The following EHBP1 variants were observed in gnomAD, a reference collection of about 807,000 sequenced individuals.
The protein encoded by EHBP1 is EH domain binding protein 1, also known as EH domain-binding protein 1.
In EHBP1, 55 loss-of-function variants were observed where a neutral mutation model predicts 144.0. The observed-to-expected ratio is 0.38, with a 90% CI of 0.31 to 0.48. The LOEUF is 0.48. EHBP1 is among the 20% of genes least tolerant of loss of function. The pLI is 0.98. For missense variants in EHBP1, 1,200 were observed against 1,364.2 expected (o/e 0.88, Z 1.90); for synonymous variants, 469 against 472.7 (o/e 0.99, Z 0.10).
intron 10 of EHBP1, among the ~76,000 whole-genome samples, chr2:62,908,543 T>C (rs530101024): frequency 2.2e-4 from 33 of 152,312 alleles, no homozygotes; most frequent in African/African-American, 6.5e-4. Context: ...TTTTTTAATA[T>C]AGGTGTTCAG....
At chr2:62,857,888 G>C (rs1295769827) in intron 7 of EHBP1, among the ~76,000 whole-genome samples, 1 of 150,904 alleles carries the variant, frequency 6.6e-6, no homozygotes, top group Non-Finnish European at 1.5e-5. Flanking sequence ...GTAGAAAATA[G>C]TAACTGTTGC....
chr2:62,896,444 T>C lies in EHBP1; in HGVS notation c.1185+21912T>C, dbSNP rs2052943314. 3.9e-5 allele frequency among the ~76,000 whole-genome samples: 6 copies of C among 152,114 alleles called. 1 individual carries two copies. Among genetic ancestry groups the C allele is most frequent in the African/African-American group, 1.4e-4 (6 of 41,438 alleles). On this transcript the variant is annotated intron_variant, in intron 10 of 22. Transcript: ENST00000431489. ...CCAGTTAAGTTAGTGTATGTATGTATTTGTTGAGGGAAAGGCAACGTGATT... is the reference window on the plus strand; with the variant it reads ...CCAGTTAAGTTAGTGTATGTATGTACTTGTTGAGGGAAAGGCAACGTGATT...
intron 10 of EHBP1, among the ~76,000 whole-genome samples, chr2:62,882,440 G>C (rs183224675): frequency 1.3e-5 from 2 of 152,060 alleles, no homozygotes; most frequent in Non-Finnish European, 2.9e-5. Context: ...GAAACTTTAG[G>C]TCCCTTATCC....
chr2:62,971,900 G>A (rs536528213), intron 14 of EHBP1, among the ~76,000 whole-genome samples: 2 of 152,248 alleles, frequency 1.3e-5, no homozygotes, highest in Admixed American at 1.3e-4. Context: ...TTATAACTCA[G>A]TCTAACTCTA....
At chr2:62,822,043 G>A (rs1177444055) in intron 5 of EHBP1, among the ~76,000 whole-genome samples, 2 of 151,940 alleles carry the variant, frequency 1.3e-5, no homozygotes, top group East Asian at 3.8e-4. Context: ...TAGTCACCCT[G>A]TTATGTTATC....
intron 19 of EHBP1, among the ~76,000 whole-genome samples, chr2:63,037,308 T>G (rs1248497122): frequency 6.6e-6 from 1 of 152,024 alleles, no homozygotes; most frequent in Non-Finnish European, 1.5e-5. Context: ...AGTGTTAATA[T>G]GATCTATCGG....
At chr2:63,024,401 C>G (rs930630261) in intron 19 of EHBP1, among the ~76,000 whole-genome samples, 1 of 151,934 alleles carries the variant, frequency 6.6e-6, no homozygotes. Flanking sequence ...CCTAGGTGTT[C>G]AAGACCAGCT....
chr2:62,698,857 C>T (rs2034189048), intron 1 of EHBP1, among the ~76,000 whole-genome samples: 2 of 152,170 alleles, frequency 1.3e-5, no homozygotes, highest in African/African-American at 4.8e-5. Context: ...TTAATCCTGC[C>T]CTTTGAAAGC....
intron 7 of EHBP1, among the ~76,000 whole-genome samples, chr2:62,851,907 T>C (rs2048716376): frequency 6.6e-6 from 1 of 152,150 alleles, no homozygotes; most frequent in Admixed American, 6.5e-5. Context: ...AATTAGTTAA[T>C]GAAGAAATGG....
At chr2:63,020,457 T>G (rs1024593000) in intron 19 of EHBP1, among the ~76,000 whole-genome samples, 1 of 149,562 alleles carries the variant, frequency 6.7e-6, no homozygotes, top group Non-Finnish European at 1.5e-5. Context: ...GACCCGAGAT[T>G]GTACCACTGC....
chr2:62,764,106 A>G (rs2040979529), intron 3 of EHBP1, among the ~76,000 whole-genome samples, 160 bp from the exon 4 acceptor site: 1 of 152,072 alleles, frequency 6.6e-6, no homozygotes, highest in Admixed American at 6.6e-5. Flanking sequence ...TTGATTAAGC[A>G]TTTTTGTTTC....
chr2:62,963,054 C>A (rs750809333), intron 14 of EHBP1, among the ~76,000 whole-genome samples: 1 of 152,128 alleles, frequency 6.6e-6, no homozygotes, highest in African/African-American at 2.4e-5. Flanking sequence ...CCTGAAGGAA[C>A]GTTTGAATCC....
At chr2:62,702,558 A>G (rs2034309777), upstream of EHBP1, among the ~76,000 whole-genome samples, 2 of 152,202 alleles carry the variant, frequency 1.3e-5, no homozygotes, top group African/African-American at 2.4e-5. Context: ...AGTTGTCATG[A>G]GGATTGAGGA....
At chr2:62,802,690 T>C (rs2152496786) in intron 5 of EHBP1, among the ~76,000 whole-genome samples, 2 of 151,928 alleles carry the variant, frequency 1.3e-5, no homozygotes, top group South Asian at 4.2e-4. Flanking sequence ...GGTTGTTAGG[T>C]TTCTGTTTTG....
At chr2:62,904,127 CTG>C (rs1235968227) in intron 10 of EHBP1, among the ~76,000 whole-genome samples, 1 of 152,040 alleles carries the variant, frequency 6.6e-6, no homozygotes, top group Non-Finnish European at 1.5e-5. Context: ...CCATAAGAAA[CTG>C]TGGTATATGG....
chr2:62,772,951 T>G (rs1038927212), intron 5 of EHBP1, among the ~76,000 whole-genome samples: 1 of 152,210 alleles, frequency 6.6e-6, no homozygotes, highest in Non-Finnish European at 1.5e-5. Flanking sequence ...TACTTTCATA[T>G]TATGAAGTTA....
At chr2:63,040,202 CTCA>C (rs2153369245) in intron 21 of EHBP1, among the ~76,000 whole-genome samples, 1 of 150,556 alleles carries the variant, frequency 6.6e-6, no homozygotes, top group Non-Finnish European at 1.5e-5. Context: ...ATACATATAA[CTCA>C]TCATACAGTT....
intron 14 of EHBP1, among the ~76,000 whole-genome samples, chr2:62,969,119 G>A (rs567442445): frequency 1.2e-4 from 19 of 152,152 alleles, no homozygotes; most frequent in African/African-American, 4.6e-4. Context: ...AACTATTTCT[G>A]TTAGTTCTAC....
intron 5 of EHBP1, among the ~76,000 whole-genome samples, chr2:62,784,350 T>G (rs1254354581): frequency 6.6e-6 from 1 of 152,192 alleles, no homozygotes; most frequent in East Asian, 1.9e-4. Flanking sequence ...AATGATTGTT[T>G]TTTGGATTTC....
Sources: allele counts gnomAD v4.1 joint callset (sites outside exome capture counted in the v4.1 genomes callset), GRCh38; gene constraint gnomAD v4.1.1; transcripts MANE v1.5; gene names NCBI Gene and HGNC (gene_info 2026-07-23, HGNC 2026-07-21).